Variants in ESCO1 observed in about 807,000 individuals in gnomAD.
The protein encoded by ESCO1 is N-acetyltransferase ESCO1.
ESCO1 carries 33 observed loss-of-function variants against 83.5 expected under a neutral mutation model. The observed-to-expected ratio is 0.40, with a 90% CI of 0.30 to 0.53. ESCO1 has a LOEUF of 0.53. Among genes scored for constraint, ESCO1 ranks in the 20% least tolerant of loss-of-function variants. The pLI, the probability that ESCO1 is intolerant of heterozygous loss-of-function variation, is 0.63. For missense variants in ESCO1, 855 were observed against 968.0 expected (o/e 0.88, Z 1.55); for synonymous variants, 332 against 324.3 (o/e 1.02, Z -0.25).
At chr18:21,586,067 T>C (rs942597746) in intron 1 of ESCO1, among the ~76,000 whole-genome samples, 1 of 152,222 alleles carries the variant, frequency 6.6e-6, no homozygotes, top group Non-Finnish European at 1.5e-5. Flanking sequence ...TCTAGTTATT[T>C]TGAAATACGC....
chr18:21,568,124 T>A (rs2038288097), intron 4 of ESCO1, 30 bp from the exon 5 acceptor site: 1 of 1,517,306 alleles, frequency 6.6e-7, no homozygotes, highest in African/African-American at 1.4e-5. Flanking sequence ...AATTTTTACA[T>A]CAACTTTGGG....
intron 2 of ESCO1, among the ~76,000 whole-genome samples, chr18:21,581,554 T>C (rs1000315671): frequency 1.3e-5 from 2 of 151,616 alleles, no homozygotes; most frequent in African/African-American, 4.9e-5. Flanking sequence ...GAGGTTGCAA[T>C]GAGGTGAGAT....
intron 2 of ESCO1, among the ~76,000 whole-genome samples, chr18:21,577,606 G>A (rs2038437152): frequency 6.8e-6 from 1 of 147,394 alleles, no homozygotes; most frequent in Non-Finnish European, 1.5e-5. Flanking sequence ...CTTGCAGTGA[G>A]CCAAGATTGC....
chr18:21,545,495 C>T (rs1460157401), intron 8 of ESCO1, among the ~76,000 whole-genome samples: 5 of 151,046 alleles, frequency 3.3e-5, no homozygotes, highest in South Asian at 2.1e-4. Context: ...ATCCCCTGAA[C>T]CTGGGAGGCA....
At chr18:21,535,088 C>T (rs571689581) in intron 10 of ESCO1, among the ~76,000 whole-genome samples, 4 of 152,192 alleles carry the variant, frequency 2.6e-5, no homozygotes, top group Non-Finnish European at 5.9e-5. Flanking sequence ...TTTACAAAAA[C>T]AAGCTGGATT....
At chr18:21,588,485 A>C (rs1300735132) in intron 1 of ESCO1, among the ~76,000 whole-genome samples, 10 of 152,172 alleles carry the variant, frequency 6.6e-5, no homozygotes, top group Non-Finnish European at 1.3e-4. Context: ...TACCTCATAC[A>C]ATACTAAAGT....
intron 2 of ESCO1, among the ~76,000 whole-genome samples, chr18:21,582,529 G>T (rs1261085464): frequency 1.3e-5 from 2 of 152,168 alleles, no homozygotes; most frequent in Admixed American, 6.5e-5. Context: ...GTCCAGCCAG[G>T]AAATCCTTAA....
chr18:21,573,881 T>A lies in ESCO1; in HGVS notation c.963A>T (p.Val321=), dbSNP rs774040848. 6.2e-7 allele frequency: 1 copy of A among 1,614,122 alleles called. No homozygotes were observed. ...TTTCCATTTGTGAAGATTCCTTTTT[T>A]ACCTCTACATTATCTGACTCAATTT... is the stretch of plus-strand genomic sequence containing the variant. ...AGEIESDNVE[V]KKESSQMESV... The change falls in exon 4 of 12, where the codon GTA becomes GTT. Residue 321 remains valine (V), a synonymous_variant. Coordinates refer to ENST00000269214, the MANE Select transcript of ESCO1 (RefSeq NM_052911.3).
rs571031898 is a variant in ESCO1, at chr18:21,546,925, G to A, written c.1954-6916C>T. Among the ~76,000 whole-genome samples, 6 of 152,212 alleles carry A rather than the reference G, an allele frequency of 3.9e-5. No homozygotes were observed. The East Asian group carries it at 7.7e-4, about 20-fold the overall frequency. On this transcript the variant is annotated intron_variant, in intron 8 of 11. Transcript: ENST00000269214. ...TCCGGTCCCCCATTTACCTCTTTCA[G>A]CCTTATCTCTTGCAGCTTTTCCAAT...
chr18:21,536,513 C>T (rs960550167), intron 9 of ESCO1, among the ~76,000 whole-genome samples: 3 of 151,084 alleles, frequency 2.0e-5, no homozygotes, highest in African/African-American at 7.3e-5. Flanking sequence ...ATCCCTTGAA[C>T]CTGGAAGGTG....
chr18:21,600,457 T>G (rs186836943), intron 1 of ESCO1, among the ~76,000 whole-genome samples, 166 bp downstream of exon 1: 4 of 151,964 alleles, frequency 2.6e-5, no homozygotes, highest in African/African-American at 7.3e-5. Context: ...CCCACCTCCC[T>G]CCCAGGGGCG....
chr18:21,568,102 CAT>C lies in ESCO1; in HGVS notation c.1531-10_1531-9del, dbSNP rs767635270. ...CAAACATTGGCTGAAATTCTGAACA[CAT>C]ATAATTCAAAATTTTTACATCAACT... On this transcript the variant is annotated splice_polypyrimidine_tract_variant and intron_variant, in intron 4 of 11. Coordinates refer to ENST00000269214, the MANE Select transcript of ESCO1 (RefSeq NM_052911.3). 4 of 1,591,502 alleles carry C rather than the reference CAT, an allele frequency of 2.5e-6. No individual in the cohort carries two copies. In the Admixed American group the frequency reaches 5.3e-5, roughly 21 times the overall value.
chr18:21,572,679 T>TA (rs1229322125), intron 4 of ESCO1, among the ~76,000 whole-genome samples: 3 of 152,116 alleles, frequency 2.0e-5, no homozygotes, highest in African/African-American at 7.2e-5. Context: ...AAGTAGTCCC[T>TA]AAAGGCCAGG....
intron 9 of ESCO1, among the ~76,000 whole-genome samples, chr18:21,537,168 T>G (rs1204800385): frequency 6.6e-6 from 1 of 152,204 alleles, no homozygotes; most frequent in Non-Finnish European, 1.5e-5. Context: ...CTGACCAAAG[T>G]CAAACATGGT....
chr18:21,537,314 G>A (rs1426037590), intron 9 of ESCO1, among the ~76,000 whole-genome samples: 1 of 152,210 alleles, frequency 6.6e-6, no homozygotes, highest in Non-Finnish European at 1.5e-5. Flanking sequence ...AGCACTTTGG[G>A]AGGCTGAGGC....
chr18:21,539,626 C>T (rs1598978113), intron 9 of ESCO1, among the ~76,000 whole-genome samples: 1 of 152,132 alleles, frequency 6.6e-6, no homozygotes, highest in Non-Finnish European at 1.5e-5. Context: ...CCAAGACAGG[C>T]AGATCATGAG....
chr18:21,551,368 T>C (rs568200622), intron 8 of ESCO1, among the ~76,000 whole-genome samples: 3 of 151,996 alleles, frequency 2.0e-5, no homozygotes, highest in South Asian at 4.2e-4. Flanking sequence ...GAGGCGGAGC[T>C]TGTAGTGAGC....
Position 21,574,766 on chromosome 18 carries a change from T to C in ESCO1, c.78A>G (p.Thr26=). 6.2e-7 allele frequency: 1 copy of C among 1,606,836 alleles called. No individual in the cohort carries two copies. The highest frequency in any genetic ancestry group is 8.5e-7 in the Non-Finnish European group (1 of 1,179,748). ...TKKSDDKNSE[T]EIQDSQKNLA... ...GATTCTTTTGAGAATCCTGAATTTC[T>C]GTTTCTGAATTCTTATCGTCACTTT... Residue 26 remains threonine, a synonymous_variant, in exon 4 of 12, where the codon ACA becomes ACG. Coordinates refer to ENST00000269214, the MANE Select transcript of ESCO1 (RefSeq NM_052911.3).
intron 4 of ESCO1, among the ~76,000 whole-genome samples, chr18:21,571,310 C>G (rs2038338652): frequency 6.6e-6 from 1 of 151,992 alleles, no homozygotes; most frequent in African/African-American, 2.4e-5. Context: ...ACCTCAGCCT[C>G]CTGAGTAGCT....
Sources: gnomAD v4.1 joint callset for allele counts (sites outside exome capture counted in the v4.1 genomes callset) on GRCh38, gnomAD v4.1.1 for gene constraint, MANE v1.5 for transcripts, NCBI Gene and HGNC (gene_info 2026-07-23, HGNC 2026-07-21) for gene names.